Variants in DCC observed in about 807,000 individuals in gnomAD.
DCC encodes the protein DCC netrin 1 receptor, also known as netrin receptor DCC.
In DCC, 58 loss-of-function variants were observed where a neutral mutation model predicts 172.5. That is an observed-to-expected ratio of 0.34 (90% confidence interval 0.27 to 0.42). The LOEUF is 0.42. Among genes scored for constraint, DCC ranks in the 10% least tolerant of loss-of-function variants. The pLI, the probability that DCC is intolerant of heterozygous loss-of-function variation, is 1.00. For synonymous variants in DCC, 709 were observed against 644.5 expected, an observed-to-expected ratio of 1.10 and a Z score of -1.52; for missense variants, 1,740 against 1,791.0, an observed-to-expected ratio of 0.97 and a Z score of 0.51.
In DCC at chr18:53,386,049, G is replaced by T; in HGVS notation, c.2366G>T (p.Ser789Ile). The change falls in exon 16 of 29, where the codon AGT becomes ATT. Residue 789 changes from serine (S) to isoleucine (I), a missense_variant. By Grantham distance (142) the Ser-to-Ile change is moderately radical. This residue lies in a region of DCC where 1,732 missense variants were observed against 1,767.4 expected (regional missense o/e 0.98). Transcript: ENST00000442544. ...RYYSIERLES[S>I]SHYVISLKAF... ...GTTTCTGTTTTTTCTCCAGAGTCAA[G>T]TTCCCATTATGTAATCTCCCTAAAA... 6.2e-7 allele frequency: 1 copy of T among 1,606,680 alleles called. No individual in the cohort carries two copies. Among genetic ancestry groups the T allele is most frequent in the Non-Finnish European group, 8.5e-7 (1 of 1,173,312 alleles).
chr18:52,342,416 C>T (rs1194391533), intron 1 of DCC, among the ~76,000 whole-genome samples: 1 of 130,486 alleles, frequency 7.7e-6, no homozygotes, highest in African/African-American at 2.9e-5. Context: ...GCTCTTCTCT[C>T]CCGGAGCTTT....
intron 2 of DCC, among the ~76,000 whole-genome samples, chr18:52,900,951 G>A (rs1442448390): frequency 4.6e-5 from 7 of 152,168 alleles, no homozygotes; most frequent in Non-Finnish European, 8.8e-5. Context: ...TTTGTCTATA[G>A]GAATTCAATG....
At position 52,525,989 on chromosome 18, in the gene DCC, T is replaced by A. The variant is rs552332816; in HGVS notation, c.91+185111T>A. Among the ~76,000 whole-genome samples, 5 of 152,362 alleles carry A rather than the reference T, an allele frequency of 3.3e-5. No homozygotes were observed. In the East Asian group the frequency reaches 9.6e-4, roughly 29 times the overall value. On this transcript the variant is annotated intron_variant, in intron 1 of 28. Coordinates refer to ENST00000442544, the MANE Select transcript of DCC (RefSeq NM_005215.4). ...ACATTGCACTAACTAATGATATTCT[T>A]ACATTATGTAACCTTTATTTTCTTT...
intron 9 of DCC, among the ~76,000 whole-genome samples, chr18:53,196,748 G>A (rs2055449165): frequency 6.6e-6 from 1 of 151,986 alleles, no homozygotes; most frequent in Admixed American, 6.6e-5. Flanking sequence ...CATACGTAAT[G>A]GCGCAGTTTA....
intron 1 of DCC, among the ~76,000 whole-genome samples, chr18:52,742,071 A>T (rs2036830247): frequency 6.6e-6 from 1 of 152,152 alleles, no homozygotes; most frequent in Non-Finnish European, 1.5e-5. Flanking sequence ...GCACACAGTG[A>T]GATAGTGGGC....
At chr18:53,391,568 G>T in intron 16 of DCC, 87 bp from the exon 17 acceptor site, 1 of 848,062 alleles carries the variant, frequency 1.2e-6, no homozygotes. Context: ...TTAACTCATT[G>T]TGATGTGTTA....
chr18:53,332,499 G>A (rs1251126666), intron 14 of DCC, among the ~76,000 whole-genome samples: 2 of 152,074 alleles, frequency 1.3e-5, no homozygotes, highest in Non-Finnish European at 2.9e-5. Flanking sequence ...AAATTGATGA[G>A]TATGACACAT....
intron 9 of DCC, among the ~76,000 whole-genome samples, chr18:53,190,692 A>G (rs2144510902): frequency 1.3e-5 from 2 of 152,318 alleles, no homozygotes; most frequent in Admixed American, 1.3e-4. Flanking sequence ...CACGCCTGTA[A>G]TCCCAGCACT....
rs148724510 is a variant in DCC, at chr18:53,274,256, A to G, written c.1912-31322A>G. Among the ~76,000 whole-genome samples, 57 of 152,258 alleles carry G rather than the reference A, an allele frequency of 3.7e-4. 1 individual carries two copies. The East Asian group carries it at 7.9e-3, about 21-fold the overall frequency. Reference sequence around the variant, plus strand: ...GGGCTGTTATCGATTCTACAGAAGAATCATGGCATGTTATATCAATCATGT... The same window carrying G: ...GGGCTGTTATCGATTCTACAGAAGAGTCATGGCATGTTATATCAATCATGT... On this transcript the variant is annotated intron_variant, in intron 12 of 28. Coordinates refer to ENST00000442544, the MANE Select transcript of DCC (RefSeq NM_005215.4).
intron 1 of DCC, among the ~76,000 whole-genome samples, chr18:52,602,240 G>A (rs1245532213): frequency 6.6e-6 from 1 of 152,026 alleles, no homozygotes; most frequent in African/African-American, 2.4e-5. Flanking sequence ...TAGGTATTAT[G>A]AGTAAAATAG....
At chr18:53,239,993 AC>A (rs145228678) in intron 12 of DCC, among the ~76,000 whole-genome samples, 5,830 of 149,734 alleles carry the variant, frequency 0.039, 374 homozygotes, top group African/African-American at 0.13. Context: ...ATATAAAAAA[AC>A]ATTTAGACAT....
At chr18:52,929,121 G>T (rs1055751553) in intron 5 of DCC, among the ~76,000 whole-genome samples, 6 of 152,034 alleles carry the variant, frequency 3.9e-5, no homozygotes, top group African/African-American at 1.4e-4. Context: ...GCCTCTCTAG[G>T]GAAGAAAATA....
Position 52,976,962 on chromosome 18 carries a change from A to G in DCC, c.985+51592A>G, listed in dbSNP as rs557099389. ...TTTGTAAACCTTAACTCATTAATTC[A>G]TGCGATAAATTGTTAATAAACACTT... is the stretch of plus-strand genomic sequence containing the variant. On this transcript the variant is annotated intron_variant, in intron 5 of 28. Coordinates refer to ENST00000442544, the MANE Select transcript of DCC (RefSeq NM_005215.4). 6.6e-5 allele frequency among the ~76,000 whole-genome samples: 10 copies of G among 152,296 alleles called. No homozygotes were observed. In the South Asian group the frequency reaches 2.1e-3, roughly 32 times the overall value.
intron 1 of DCC, among the ~76,000 whole-genome samples, chr18:52,685,064 C>T (rs2035808413): frequency 6.6e-6 from 1 of 152,026 alleles, no homozygotes. Flanking sequence ...CACACACTTA[C>T]TTATTCAAAT....
At chr18:52,423,165 A>C (rs1019102793) in intron 1 of DCC, among the ~76,000 whole-genome samples, 1 of 152,178 alleles carries the variant, frequency 6.6e-6, no homozygotes, top group Admixed American at 6.5e-5. Context: ...AGCAAGGATA[A>C]ATGTTGCTCT....
intron 1 of DCC, among the ~76,000 whole-genome samples, chr18:52,554,922 G>T (rs953654370): frequency 6.6e-6 from 1 of 152,058 alleles, no homozygotes; most frequent in Non-Finnish European, 1.5e-5. Flanking sequence ...GAATAGAATT[G>T]AAGGGTAGAC....
chr18:52,969,481 C>G (rs1297344042), intron 5 of DCC, among the ~76,000 whole-genome samples: 11 of 151,902 alleles, frequency 7.2e-5, no homozygotes, highest in Admixed American at 7.2e-4. Flanking sequence ...CTTTATAATC[C>G]TCCTTTACAA....
intron 12 of DCC, among the ~76,000 whole-genome samples, chr18:53,261,555 T>C (rs992383324): frequency 2.0e-5 from 3 of 152,160 alleles, no homozygotes; most frequent in Admixed American, 2.0e-4. Flanking sequence ...GGCAGGCCTA[T>C]GCATACCTGT....
chr18:52,842,359 T>A (rs1349210495), intron 2 of DCC, among the ~76,000 whole-genome samples: 1 of 152,208 alleles, frequency 6.6e-6, no homozygotes, highest in Non-Finnish European at 1.5e-5. Flanking sequence ...CCTGGAAAGC[T>A]ATTCATTTAG....
Sources: gnomAD v4.1 joint callset for allele counts (sites outside exome capture counted in the v4.1 genomes callset) on GRCh38, gnomAD v4.1.1 for gene constraint, gnomAD v4.1.1 regional missense constraint, MANE v1.5 for transcripts, NCBI Gene and HGNC (gene_info 2026-07-23, HGNC 2026-07-21) for gene names.